The following NDRG1 variants were observed in gnomAD, a reference collection of about 807,000 sequenced individuals.
NDRG1 encodes the protein protein NDRG1.
NDRG1 carries 32 observed loss-of-function variants against 56.9 expected under a neutral mutation model. The observed-to-expected ratio is 0.56, with a 90% CI of 0.42 to 0.76. The LOEUF (loss-of-function observed/expected upper bound fraction) is 0.76, where lower values mean the gene tolerates loss of function less well. NDRG1 is among the 30% of genes least tolerant of loss of function. The pLI is 0.00. For synonymous variants in NDRG1, 211 were observed against 204.1 expected (o/e 1.03, Z -0.29); for missense variants, 507 against 545.7 (o/e 0.93, Z 0.71).
chr8:133,259,606 G>A (rs1487622736), intron 5 of NDRG1, among the ~76,000 whole-genome samples: 1 of 152,186 alleles, frequency 6.6e-6, no homozygotes, highest in African/African-American at 2.4e-5. Flanking sequence ...GTGTTTGTCT[G>A]GTTTTGGGTC....
chr8:133,250,329 A>G (rs979678593), intron 10 of NDRG1, 111 bp downstream of exon 10: 1 of 1,018,234 alleles, frequency 9.8e-7, no homozygotes, highest in East Asian at 2.4e-5. Context: ...TCAAACTCAG[A>G]GCCTGCCTCT....
chr8:133,296,884 T>G (rs981524833), intron 1 of NDRG1: 3 of 214,678 alleles, frequency 1.4e-5, no homozygotes, highest in African/African-American at 7.0e-5. Context: ...AATCCCCAGC[T>G]AGGGGGGAGA....
Position 133,280,624 on chromosome 8 carries a change from C to T in NDRG1, c.64-357G>A, listed in dbSNP as rs181782179. Among the ~76,000 whole-genome samples, 83 of 152,040 alleles carry T rather than the reference C, an allele frequency of 5.5e-4. 1 individual carries two copies. Among genetic ancestry groups the T allele is most frequent in the African/African-American group, 1.9e-3 (77 of 41,478 alleles). The stretch of plus-strand genomic sequence containing the variant: ...TTATTTTTTGTATTTTTAGTAGAGA[C>T]GGGATTTCACCATGTTAGCCAGGAT... On this transcript the variant is annotated intron_variant, in intron 2 of 15. Transcript: ENST00000323851.
chr8:133,274,025 C>T (rs1158152821), intron 3 of NDRG1, among the ~76,000 whole-genome samples: 1 of 152,192 alleles, frequency 6.6e-6, no homozygotes, highest in Admixed American at 6.5e-5. Flanking sequence ...AGCCCGCCCA[C>T]CCCGTGCCCT....
rs776620022 is a variant in NDRG1, at chr8:133,237,946, C to T, written c.*932G>A. ...CACCCCCACCCCAGTGCTCCTACTC[C>T]GGCCCCTGCAAGGACACTCATCACA... On this transcript the variant is annotated 3_prime_UTR_variant, in exon 16 of 16. Coordinates refer to ENST00000323851, the MANE Select transcript of NDRG1 (RefSeq NM_006096.4). The T allele has an allele frequency of 2.6e-5, 6 of 233,004 alleles. No individual in the cohort carries two copies. Among genetic ancestry groups the T allele is most frequent in the Middle Eastern group, 1.2e-3 (1 of 810 alleles). The allele number at this position is 233,004 out of a possible 1,614,324, so 14.4% of individuals were successfully genotyped here.
At position 133,256,689 on chromosome 8, in the gene NDRG1, T is replaced by C. The variant is rs566691102; in HGVS notation, c.537+88A>G. The C allele has an allele frequency of 3.9e-6, 5 of 1,285,782 alleles. No homozygotes were observed. The African/African-American group carries it at 5.9e-5, about 15-fold the overall frequency. 79.6% of individuals were successfully genotyped at this position (1,285,782 alleles called of 1,614,324 possible). A position where few individuals can be genotyped will look rare whatever the true frequency, so the allele number is the denominator to read the frequency against. On this transcript the variant is annotated intron_variant, in intron 8 of 15. Coordinates refer to ENST00000323851, the MANE Select transcript of NDRG1 (RefSeq NM_006096.4). The stretch of plus-strand genomic sequence containing the variant: ...GAGGAGTGGGTAAAGAGAGAGCTCG[T>C]AGCTCCAGGGATCCCCCAGGCAGAG...
rs1856501427 is a variant in NDRG1, at chr8:133,258,576, G to A, written c.390-150C>T. The A allele has an allele frequency of 6.4e-6, 5 of 777,334 alleles. No homozygotes were observed. In the South Asian group the frequency reaches 7.6e-5, roughly 12 times the overall value. 48.2% of individuals were successfully genotyped at this position (777,334 alleles called of 1,614,324 possible). On this transcript the variant is annotated intron_variant, in intron 6 of 15. Transcript: ENST00000323851. ...GCCTGCACAGCTCTGAGGTCACCAT[G>A]CTTTAGGACTGGACAGAGACCTCGA...
rs1858098298 is a variant in NDRG1, at chr8:133,286,063, G to A, written c.-18-1734C>T. Among the ~76,000 whole-genome samples, 6 of 152,168 alleles carry A rather than the reference G, an allele frequency of 3.9e-5. No homozygotes were observed. The South Asian group carries it at 1.2e-3, about 32-fold the overall frequency. On this transcript the variant is annotated intron_variant, in intron 1 of 15. Transcript: ENST00000323851. The stretch of plus-strand genomic sequence containing the variant: ...AAGCGCGCCAGGGTGAAGTCAGGGG[G>A]CTCTCACTGTCCCACCAGGTGGGTT...
chr8:133,289,319 T>C (rs1222657960), intron 1 of NDRG1, among the ~76,000 whole-genome samples: 1 of 152,142 alleles, frequency 6.6e-6, no homozygotes, highest in East Asian at 1.9e-4. Context: ...CATGGAGAAT[T>C]AAGCAAACAG....
In NDRG1 at chr8:133,237,690, T is replaced by TG; in HGVS notation, c.*1187_*1188insC. ...CTCAGCCACCGCTCCCCACGTGAGT[T>TG]CCCACCCCCACCCCGACAAGAGCAA... is the stretch of plus-strand genomic sequence containing the variant. On this transcript the variant is annotated 3_prime_UTR_variant, in exon 16 of 16. Transcript: ENST00000323851. The TG allele has an allele frequency of 3.1e-5, 7 of 228,698 alleles. No individual in the cohort carries two copies. Among genetic ancestry groups the TG allele is most frequent in the South Asian group, 1.8e-4 (1 of 5,474 alleles). 14.2% of individuals were successfully genotyped at this position (228,698 alleles called of 1,614,324 possible).
Position 133,250,517 on chromosome 8 carries a change from C to G in NDRG1, c.621G>C (p.Val207=). The G allele has an allele frequency of 6.2e-7, 1 of 1,614,006 alleles. No homozygotes were observed. The highest frequency in any genetic ancestry group is 2.2e-5 in the East Asian group (1 of 44,856). Reference sequence around the variant, plus strand: ...CAATGTGCTGGCGGTAGGTGTGGACCACTTCCACGTTACTCTGCATTTCTT... The same window carrying G: ...CAATGTGCTGGCGGTAGGTGTGGACGACTTCCACGTTACTCTGCATTTCTT... The part of the protein sequence containing the change: ...GKEEMQSNVE[V]VHTYRQHIVN... Residue 207 remains valine, a synonymous_variant, in exon 10 of 16, where the codon GTG becomes GTC. Coordinates refer to ENST00000323851, the MANE Select transcript of NDRG1 (RefSeq NM_006096.4).
intron 10 of NDRG1, 94 bp downstream of exon 10, chr8:133,250,346 C>T (rs1021005971): frequency 5.3e-5 from 62 of 1,164,756 alleles, no homozygotes; most frequent in Non-Finnish European, 7.0e-5. Flanking sequence ...CTCTTCCGCT[C>T]ATTTTATACT....
intron 12 of NDRG1, among the ~76,000 whole-genome samples, chr8:133,247,649 G>A (rs1855759542): frequency 6.6e-6 from 1 of 152,212 alleles, no homozygotes; most frequent in Non-Finnish European, 1.5e-5. Flanking sequence ...TGGCGGGTGA[G>A]GGGACCTGGG....
At chr8:133,276,688 T>A (rs536107120) in intron 3 of NDRG1, among the ~76,000 whole-genome samples, 1 of 152,382 alleles carries the variant, frequency 6.6e-6, no homozygotes, top group African/African-American at 2.4e-5. Context: ...TGGTTCCTCC[T>A]TCACCTTCTG....
At chr8:133,244,434 G>A (rs755771908) in intron 13 of NDRG1, 44 bp from the exon 14 acceptor site, 4 of 1,612,860 alleles carry the variant, frequency 2.5e-6, no homozygotes, top group Admixed American at 1.7e-5. Context: ...CCACAGCCAA[G>A]GCCCTCTGCG....
chr8:133,266,590 T>C (rs1457553614), intron 3 of NDRG1, among the ~76,000 whole-genome samples: 1 of 152,172 alleles, frequency 6.6e-6, no homozygotes, highest in Non-Finnish European at 1.5e-5. Context: ...CATCTGTGAG[T>C]GACCCCCCGT....
intron 3 of NDRG1, among the ~76,000 whole-genome samples, chr8:133,278,779 G>A (rs1340553521): frequency 6.6e-6 from 1 of 152,068 alleles, no homozygotes; most frequent in East Asian, 1.9e-4. Flanking sequence ...CAAGCAGCAA[G>A]GGGAGCACTC....
chr8:133,275,887 C>A (rs1288527322), intron 3 of NDRG1, among the ~76,000 whole-genome samples: 1 of 152,228 alleles, frequency 6.6e-6, no homozygotes, highest in East Asian at 1.9e-4. Flanking sequence ...CTGCCAGACA[C>A]ATTCTGTGCT....
At chr8:133,247,180 CTA>C (rs1453101631) in intron 12 of NDRG1, among the ~76,000 whole-genome samples, 4 of 152,176 alleles carry the variant, frequency 2.6e-5, no homozygotes, top group African/African-American at 9.7e-5. Flanking sequence ...TAAAGTAAAA[CTA>C]TCACCTCCCT....
Sources: gnomAD v4.1 joint callset for allele counts (sites outside exome capture counted in the v4.1 genomes callset) on GRCh38, gnomAD v4.1.1 for gene constraint, MANE v1.5 for transcripts, NCBI Gene and HGNC (gene_info 2026-07-23, HGNC 2026-07-21) for gene names.